The following FTO variants were observed in gnomAD, a reference collection of about 807,000 sequenced individuals.
The protein encoded by FTO is FTO alpha-ketoglutarate dependent dioxygenase.
FTO carries 47 observed loss-of-function variants against 63.9 expected under a neutral mutation model. That is an observed-to-expected ratio of 0.74 (90% confidence interval 0.58 to 0.94). The LOEUF (loss-of-function observed/expected upper bound fraction) is 0.94, where lower values mean the gene tolerates loss of function less well. Ranked by LOEUF, FTO falls within the 40% of genes least tolerant of loss-of-function variation. FTO has a pLI of 0.00. For missense variants in FTO, 562 were observed against 618.1 expected (o/e 0.91, Z 0.96); for synonymous variants, 207 against 224.4 (o/e 0.92, Z 0.69).
rs2151837833 is a variant in FTO at position 53,853,383 on chromosome 16, T to C, written c.895+9085T>C. 1.3e-5 allele frequency among the ~76,000 whole-genome samples: 2 copies of C among 152,254 alleles called. 1 individual carries two copies. Among genetic ancestry groups the C allele is most frequent in the South Asian group, 4.1e-4 (2 of 4,820 alleles). On this transcript the variant is annotated intron_variant, in intron 4 of 8. Coordinates refer to ENST00000471389, the MANE Select transcript of FTO (RefSeq NM_001080432.3). Reference sequence around the variant, plus strand: ...TTGGTTCCATGGATGATTTGTATAGTGTTGAAGTCTGGTATTTTAATGTAC... The same window carrying C: ...TTGGTTCCATGGATGATTTGTATAGCGTTGAAGTCTGGTATTTTAATGTAC...
intron 1 of FTO, among the ~76,000 whole-genome samples, chr16:53,730,656 G>A (rs534710577): frequency 2.0e-5 from 3 of 151,882 alleles, no homozygotes; most frequent in East Asian, 1.9e-4. Flanking sequence ...CACCATGCCC[G>A]GCTAATTTTT....
intron 8 of FTO, among the ~76,000 whole-genome samples, chr16:54,010,142 C>T (rs369964913): frequency 6.6e-6 from 1 of 152,040 alleles, no homozygotes; most frequent in African/African-American, 2.4e-5. Flanking sequence ...GGCTGGGCAC[C>T]ATGGCTCACG....
intron 1 of FTO, among the ~76,000 whole-genome samples, chr16:53,715,909 T>C (rs1468408988): frequency 6.6e-6 from 1 of 152,200 alleles, no homozygotes; most frequent in African/African-American, 2.4e-5. Flanking sequence ...ACCCTTTGTG[T>C]ACCAGGACTT....
chr16:54,066,110 C>T (rs1599306747), intron 8 of FTO, among the ~76,000 whole-genome samples: 4 of 152,316 alleles, frequency 2.6e-5, no homozygotes, highest in Non-Finnish European at 1.5e-5. Flanking sequence ...GCCTTGGGGA[C>T]ACTAGCATCT....
At chr16:53,868,053 G>A (rs919812297) in intron 4 of FTO, among the ~76,000 whole-genome samples, 5 of 151,978 alleles carry the variant, frequency 3.3e-5, no homozygotes, top group Non-Finnish European at 7.4e-5. Flanking sequence ...TGTCTTCTTT[G>A]TTTCTTTAAG....
chr16:53,822,907 C>G (rs2078905694), intron 2 of FTO, among the ~76,000 whole-genome samples: 1 of 152,178 alleles, frequency 6.6e-6, no homozygotes, highest in East Asian at 1.9e-4. Context: ...TCGTCAGCCT[C>G]TTTCTCTTGT....
intron 1 of FTO, among the ~76,000 whole-genome samples, chr16:53,708,411 T>C (rs1321554545): frequency 6.6e-6 from 1 of 152,226 alleles, no homozygotes; most frequent in Non-Finnish European, 1.5e-5. Flanking sequence ...ATATTTTGTT[T>C]ATCTGTTCAC....
rs756234563 is a variant in FTO at position 53,729,135 on chromosome 16, A to G, written c.45+24906A>G. Among the ~76,000 whole-genome samples, 9 of 151,858 alleles carry G rather than the reference A, an allele frequency of 5.9e-5. No homozygotes were observed. The South Asian group carries it at 1.9e-3, about 32-fold the overall frequency. On this transcript the variant is annotated intron_variant, in intron 1 of 8. Transcript: ENST00000471389. ...TTGTCCTAATGTCTTTCCTTCTTTC[A>G]TCTCTTCATCTTCAGGCCACTGCTG...
chr16:53,827,195 G>A (rs928607419), intron 3 of FTO, among the ~76,000 whole-genome samples: 13 of 152,008 alleles, frequency 8.6e-5, no homozygotes, highest in Non-Finnish European at 1.0e-4. Flanking sequence ...GAAACAGATC[G>A]TAGGCTACCT....
chr16:54,034,660 T>TA (rs1173193397), intron 8 of FTO, among the ~76,000 whole-genome samples: 5 of 152,270 alleles, frequency 3.3e-5, no homozygotes, highest in Non-Finnish European at 7.4e-5. Context: ...TTTAGGGTCT[T>TA]AAAAGGGGTC....
intron 4 of FTO, among the ~76,000 whole-genome samples, chr16:53,850,016 G>C (rs1309269834): frequency 1.3e-5 from 2 of 152,098 alleles, no homozygotes; most frequent in Non-Finnish European, 2.9e-5. Flanking sequence ...ATAATTTATG[G>C]CTTAATCATA....
chr16:54,079,334 C>T (rs1272862532), intron 8 of FTO, among the ~76,000 whole-genome samples: 4 of 152,166 alleles, frequency 2.6e-5, no homozygotes, highest in Non-Finnish European at 5.9e-5. Context: ...GCTTTATGAA[C>T]TGGCATCGTC....
At chr16:53,831,545 T>C (rs2079147588) in intron 3 of FTO, among the ~76,000 whole-genome samples, 1 of 152,230 alleles carries the variant, frequency 6.6e-6, no homozygotes, top group Non-Finnish European at 1.5e-5. Flanking sequence ...GCATCTACTA[T>C]TTGCTAGTCA....
intron 1 of FTO, among the ~76,000 whole-genome samples, chr16:53,794,852 G>C (rs1335422478): frequency 6.6e-6 from 1 of 152,136 alleles, no homozygotes; most frequent in Non-Finnish European, 1.5e-5. Flanking sequence ...GAGAAGCAAA[G>C]AAGAAAAGCC....
intron 6 of FTO, among the ~76,000 whole-genome samples, chr16:53,885,466 G>A (rs2080973750): frequency 6.6e-6 from 1 of 152,194 alleles, no homozygotes; most frequent in African/African-American, 2.4e-5. Context: ...GAATAAAATT[G>A]TGTTGGGAGA....
intron 4 of FTO, among the ~76,000 whole-genome samples, chr16:53,870,512 T>G (rs2080464420): frequency 6.6e-6 from 1 of 152,242 alleles, no homozygotes; most frequent in Admixed American, 6.5e-5. Context: ...CATCTCTGTT[T>G]CCAGTGTGTC....
intron 1 of FTO, among the ~76,000 whole-genome samples, chr16:53,743,985 A>G (rs991026303): frequency 2.6e-5 from 4 of 152,220 alleles, no homozygotes; most frequent in Admixed American, 6.5e-5. Context: ...TTCAGTAGAA[A>G]GTACTTCTGG....
At chr16:53,900,608 C>CTTTTTTTTTTTTTTTTTTT (rs752080961) in intron 7 of FTO, among the ~76,000 whole-genome samples, 2 of 67,160 alleles carry the variant, frequency 3.0e-5, no homozygotes, top group African/African-American at 6.5e-5. Flanking sequence ...TCATCTGCTC[C>CTTTTTTTTTTTTTTTTTTT]TTTTTTTTTT....
Position 53,875,283 on chromosome 16 carries a change from G to A in FTO, c.975+1418G>A, listed in dbSNP as rs183667983. Among the ~76,000 whole-genome samples, 4 of 152,156 alleles carry A rather than the reference G, an allele frequency of 2.6e-5. No individual in the cohort carries two copies. In the East Asian group the frequency reaches 7.7e-4, roughly 29 times the overall value. On this transcript the variant is annotated intron_variant, in intron 5 of 8. Coordinates refer to ENST00000471389, the MANE Select transcript of FTO (RefSeq NM_001080432.3). ...TGGCTACTTAAGTGCGCCCTTCTAC[G>A]TCTTTCCTAATCTAATCCAGAAGAG... is the stretch of plus-strand genomic sequence containing the variant.
Sources: gnomAD v4.1 joint callset for allele counts (sites outside exome capture counted in the v4.1 genomes callset) on GRCh38, gnomAD v4.1.1 for gene constraint, MANE v1.5 for transcripts, NCBI Gene and HGNC (gene_info 2026-07-23, HGNC 2026-07-21) for gene names.